Variants in SLIT2 observed in about 807,000 individuals in gnomAD.
SLIT2 encodes the protein slit guidance ligand 2.
In SLIT2, 41 loss-of-function variants were observed where a neutral mutation model predicts 185.7. The ratio of observed to expected loss-of-function variants is 0.22; its 90% CI spans 0.17 to 0.29. The LOEUF (loss-of-function observed/expected upper bound fraction) is 0.29. Ranked by LOEUF, SLIT2 falls within the 10% of genes least tolerant of loss-of-function variation. The pLI, the probability that SLIT2 is intolerant of heterozygous loss-of-function variation, is 1.00. For missense variants in SLIT2, 1,571 were observed against 1,909.0 expected (o/e 0.82, Z 3.30); for synonymous variants, 693 against 680.2 (o/e 1.02, Z -0.29).
chr4:20,549,035 A>G (rs1044735661), intron 23 of SLIT2, 22 bp from the exon 24 acceptor site: 1 of 1,473,282 alleles, frequency 6.8e-7, no homozygotes, highest in South Asian at 1.1e-5. Context: ...AATAAAACAA[A>G]TTGACATATG....
intron 4 of SLIT2, among the ~76,000 whole-genome samples, chr4:20,426,845 T>C (rs76255116): frequency 0.011 from 1,609 of 152,262 alleles, 32 homozygotes; most frequent in African/African-American, 0.036. Context: ...AACAACTGTC[T>C]GGGGAAGATT....
At chr4:20,395,452 G>A (rs1577571405) in intron 4 of SLIT2, among the ~76,000 whole-genome samples, 1 of 152,000 alleles carries the variant, frequency 6.6e-6, no homozygotes, top group Admixed American at 6.6e-5. Flanking sequence ...TTATTCAATA[G>A]GATTAGGGAC....
At chr4:20,435,055 G>A (rs562056690) in intron 4 of SLIT2, among the ~76,000 whole-genome samples, 2 of 152,156 alleles carry the variant, frequency 1.3e-5, no homozygotes, top group African/African-American at 4.8e-5. Flanking sequence ...CATTTAACTT[G>A]TTTTATACAT....
intron 4 of SLIT2, among the ~76,000 whole-genome samples, chr4:20,275,817 A>G (rs556446170): frequency 7.9e-5 from 12 of 152,134 alleles, no homozygotes; most frequent in Non-Finnish European, 1.3e-4. Flanking sequence ...CTCAGGAACT[A>G]TTTGTTAGTG....
intron 4 of SLIT2, among the ~76,000 whole-genome samples, chr4:20,461,393 G>A (rs2148730175): frequency 6.6e-6 from 1 of 152,100 alleles, no homozygotes; most frequent in South Asian, 2.1e-4. Context: ...ATGAAAGAAA[G>A]GATAAAAATA....
intron 30 of SLIT2, among the ~76,000 whole-genome samples, chr4:20,593,779 A>C (rs1056942890): frequency 1.6e-4 from 25 of 152,168 alleles, no homozygotes; most frequent in African/African-American, 5.1e-4. Context: ...TACCTCAGTA[A>C]ATCTAGAATA....
chr4:20,430,479 G>T (rs577686447), intron 4 of SLIT2, among the ~76,000 whole-genome samples: 50 of 152,176 alleles, frequency 3.3e-4, no homozygotes, highest in Non-Finnish European at 6.5e-4. Context: ...GTTTTTCCTG[G>T]ATAGCTGGTA....
intron 9 of SLIT2, among the ~76,000 whole-genome samples, chr4:20,493,379 A>G (rs1717955326): frequency 6.6e-6 from 1 of 152,216 alleles, no homozygotes; most frequent in South Asian, 2.1e-4. Context: ...AGGGAACTAT[A>G]TAGTCATCTA....
chr4:20,475,751 T>A (rs887745953), intron 5 of SLIT2, among the ~76,000 whole-genome samples: 5 of 152,276 alleles, frequency 3.3e-5, no homozygotes, highest in Non-Finnish European at 5.9e-5. Context: ...TTTGATTAGT[T>A]CACTTACAAT....
intron 6 of SLIT2, among the ~76,000 whole-genome samples, chr4:20,482,908 G>A (rs776704831): frequency 7.0e-4 from 106 of 151,502 alleles, no homozygotes; most frequent in Admixed American, 1.1e-3. Context: ...CAAAATTGGA[G>A]CACTGAAAAG....
intron 5 of SLIT2, among the ~76,000 whole-genome samples, chr4:20,477,130 G>T (rs141469478): frequency 1.4e-5 from 2 of 147,350 alleles, no homozygotes; most frequent in Non-Finnish European, 3.0e-5. Flanking sequence ...TTATTCTAGG[G>T]CATCAGAAGA....
At chr4:20,560,537 G>A (rs1477723660) in intron 26 of SLIT2, among the ~76,000 whole-genome samples, 1 of 151,852 alleles carries the variant, frequency 6.6e-6, no homozygotes, top group Non-Finnish European at 1.5e-5. Context: ...AATATAAGAT[G>A]ACGTTAGAGT....
intron 4 of SLIT2, among the ~76,000 whole-genome samples, chr4:20,369,722 CT>C (rs1213665969): frequency 2.6e-5 from 4 of 152,056 alleles, no homozygotes; most frequent in Non-Finnish European, 5.9e-5. Flanking sequence ...TATGTCACTG[CT>C]TTGGCATCAT....
chr4:20,456,508 A>G (rs949182503), intron 4 of SLIT2, among the ~76,000 whole-genome samples: 1 of 151,958 alleles, frequency 6.6e-6, no homozygotes. Flanking sequence ...CCATTATTTT[A>G]TTTACACATG....
Position 20,480,934 on chromosome 4 carries a change from A to G in SLIT2, c.539+147A>G, listed in dbSNP as rs1716637365. 1.1e-5 allele frequency: 7 copies of G among 650,064 alleles called. No homozygotes were observed. The South Asian group carries it at 1.3e-4, about 12-fold the overall frequency. 40.3% of individuals were successfully genotyped at this position (650,064 alleles called of 1,614,324 possible). A position where few individuals can be genotyped will look rare whatever the true frequency, so the allele number is the denominator to read the frequency against. ...AAATAACTCATGGTGAATACAGAGA[A>G]GAGTCTAAATGTGTGTGTGCAAAAC... On this transcript the variant is annotated intron_variant, in intron 6 of 36. Transcript: ENST00000504154.
In SLIT2 at chr4:20,617,158, C is replaced by T. The variant is rs769416377; in HGVS notation, c.4096C>T (p.Leu1366Phe). ...CECQEGWMGP[L>F]CDQRTNDPCL... ...GTGCCAGGAAGGATGGATGGGGCCC[C>T]TCTGTGACCAACGGACCAATGACCC... The change falls in exon 35 of 37, where the codon CTC becomes TTC. Residue 1366 changes from leucine (L) to phenylalanine (F), a missense_variant. Transcript: ENST00000504154. The T allele has an allele frequency of 3.7e-6, 6 of 1,604,850 alleles. No homozygotes were observed. In the African/African-American group the frequency reaches 8.0e-5, roughly 21 times the overall value.
chr4:20,410,004 C>T (rs940004700), intron 4 of SLIT2, among the ~76,000 whole-genome samples: 1 of 151,950 alleles, frequency 6.6e-6, no homozygotes, highest in Non-Finnish European at 1.5e-5. Flanking sequence ...AAGATTTCTC[C>T]CATTGAGTAG....
In SLIT2 at chr4:20,484,503, C is replaced by A. The variant is rs1221530940; in HGVS notation, c.540-1697C>A. Among the ~76,000 whole-genome samples the A allele has an allele frequency of 6.6e-6, 1 of 152,018 alleles. No individual in the cohort carries two copies. Among genetic ancestry groups the A allele is most frequent in the Non-Finnish European group, 1.5e-5 (1 of 67,966 alleles). On this transcript the variant is annotated intron_variant, in intron 6 of 36. Coordinates refer to ENST00000504154, the MANE Select transcript of SLIT2 (RefSeq NM_004787.4). This position sits in a 1 kb window ranked among gnomAD's most constrained non-coding sequence, Gnocchi z 4.3. Reference sequence around the variant, plus strand: ...AGAATAGTTCTTATATAATTCAATACATTGCAAAACAAGGTGGTAAAGAGG... The same window carrying A: ...AGAATAGTTCTTATATAATTCAATAAATTGCAAAACAAGGTGGTAAAGAGG...
At chr4:20,404,506 G>C (rs1414259917) in intron 4 of SLIT2, among the ~76,000 whole-genome samples, 1 of 151,952 alleles carries the variant, frequency 6.6e-6, no homozygotes, top group Non-Finnish European at 1.5e-5. Context: ...GGAAGCTCTT[G>C]GAAAAGTGCC....
Sources: allele counts gnomAD v4.1 joint callset (sites outside exome capture counted in the v4.1 genomes callset), GRCh38; gene constraint gnomAD v4.1.1; non-coding constraint Gnocchi (gnomAD v3.1); transcripts MANE v1.5; gene names NCBI Gene and HGNC (gene_info 2026-07-23, HGNC 2026-07-21).